The following KDM1A variants were observed in gnomAD, a reference collection of about 807,000 sequenced individuals.
KDM1A encodes the protein lysine-specific histone demethylase 1A.
In KDM1A, 49 loss-of-function variants were observed where a neutral mutation model predicts 109.4. The observed-to-expected ratio is 0.45, with a 90% CI of 0.36 to 0.57. The LOEUF (loss-of-function observed/expected upper bound fraction) is 0.57. KDM1A is among the 20% of genes least tolerant of loss of function. KDM1A has a pLI of 0.00. For synonymous variants in KDM1A, 380 were observed against 415.4 expected (o/e 0.91, Z 1.04); for missense variants, 668 against 1,116.6 (o/e 0.60, Z 5.73).
chr1:23,021,794 A>C (rs1406598573), intron 1 of KDM1A, among the ~76,000 whole-genome samples: 1 of 152,220 alleles, frequency 6.6e-6, no homozygotes, highest in Non-Finnish European at 1.5e-5. Context: ...TGATTTTAGA[A>C]CCTTTTCATC....
chr1:23,053,234 TTTAGGCTAAA>T (rs1642723784), intron 4 of KDM1A, among the ~76,000 whole-genome samples: 1 of 152,210 alleles, frequency 6.6e-6, no homozygotes, highest in South Asian at 2.1e-4. Flanking sequence ...GGTTTTCTCT[TTTAGGCTAAA>T]TAACCCCAGC....
At chr1:23,056,734 G>T (rs146535101) in intron 7 of KDM1A, among the ~76,000 whole-genome samples, 21 of 150,680 alleles carry the variant, frequency 1.4e-4, no homozygotes, top group African/African-American at 4.9e-4. Context: ...ATACAATAAG[G>T]AATAATAGGA....
chr1:23,050,557 A>G, intron 4 of KDM1A, 37 bp downstream of exon 4: 1 of 1,557,364 alleles, frequency 6.4e-7, no homozygotes, highest in Non-Finnish European at 8.7e-7. Context: ...CTGGATTATA[A>G]AAAGTATATA....
At chr1:23,020,915 A>G (rs1641605966) in intron 1 of KDM1A, among the ~76,000 whole-genome samples, 1 of 152,220 alleles carries the variant, frequency 6.6e-6, no homozygotes, top group Admixed American at 6.5e-5. Flanking sequence ...GGGCAGTATT[A>G]GGGCGCAGAC....
At chr1:23,047,346 A>C (rs598197) in intron 3 of KDM1A, among the ~76,000 whole-genome samples, 1,884 of 152,264 alleles carry the variant, frequency 0.012, 54 homozygotes, top group African/African-American at 0.043. Flanking sequence ...ACCATTTTTC[A>C]TTTTTAAAAA....
intron 9 of KDM1A, among the ~76,000 whole-genome samples, chr1:23,063,197 G>GGA (rs1553130157): frequency 8.8e-5 from 1 of 11,406 alleles, no homozygotes; most frequent in Non-Finnish European, 2.3e-4. Context: ...CTGTAGCATT[G>GGA]GGGGGGGGGT....
chr1:23,070,174 T>C (rs1332186615), intron 12 of KDM1A, among the ~76,000 whole-genome samples: 2 of 152,192 alleles, frequency 1.3e-5, no homozygotes, highest in Non-Finnish European at 2.9e-5. Context: ...TTAACAATGG[T>C]TCCTTAAGAT....
At chr1:23,082,014 G>A in intron 19 of KDM1A, 1 of 253,188 alleles carries the variant, frequency 3.9e-6, no homozygotes, top group Non-Finnish European at 6.5e-6. Context: ...AGACAGGAAG[G>A]CAACATGGAG....
chr1:23,062,812 T>C (rs1001456795), intron 9 of KDM1A, among the ~76,000 whole-genome samples: 4 of 152,168 alleles, frequency 2.6e-5, no homozygotes, highest in African/African-American at 7.2e-5. Flanking sequence ...TATAAAGATA[T>C]AATATAGGGA....
chr1:23,035,271 C>T (rs927547432), intron 2 of KDM1A, among the ~76,000 whole-genome samples: 7 of 152,084 alleles, frequency 4.6e-5, no homozygotes, highest in Non-Finnish European at 8.8e-5. Flanking sequence ...GGCATGATCT[C>T]GGCTCACCAC....
intron 20 of KDM1A, chr1:23,082,927 C>T (rs1455992673): frequency 8.5e-6 from 3 of 353,800 alleles, no homozygotes; most frequent in Non-Finnish European, 1.6e-5. Flanking sequence ...AACTGGGTAT[C>T]TAAACTGATG....
chr1:23,030,796 T>C (rs1237132253), intron 2 of KDM1A, among the ~76,000 whole-genome samples, 162 bp downstream of exon 2: 2 of 152,220 alleles, frequency 1.3e-5, no homozygotes, highest in Non-Finnish European at 2.9e-5. Context: ...TGTATACATA[T>C]ACATGTATAT....
Position 23,082,279 on chromosome 1 carries a change from C to G in KDM1A, c.2358C>G (p.Ser786=), listed in dbSNP as rs781228489. 4.3e-5 allele frequency: 69 copies of G among 1,613,752 alleles called. No individual in the cohort carries two copies. The highest frequency in any genetic ancestry group is 4.7e-5 in the Non-Finnish European group (56 of 1,179,972). Reference sequence around the variant, plus strand: ...ATCCCTGGGCTCGGGGCTCTTATTCCTATGTTGCTGCAGGATCATCTGGAA... The same window carrying G: ...ATCCCTGGGCTCGGGGCTCTTATTCGTATGTTGCTGCAGGATCATCTGGAA... ...RADPWARGSY[S]YVAAGSSGND... Residue 786 remains serine, a synonymous_variant, in exon 20 of 21, where the codon TCC becomes TCG. Transcript: ENST00000400181.
At chr1:23,044,342 A>G (rs1158500840) in intron 2 of KDM1A, 85 bp from the exon 3 acceptor site, 1 of 1,226,304 alleles carries the variant, frequency 8.2e-7, no homozygotes, top group Admixed American at 2.0e-5. Context: ...TGAATTCATG[A>G]GTCGCCAACT....
intron 2 of KDM1A, among the ~76,000 whole-genome samples, chr1:23,040,491 G>C (rs1642276537): frequency 6.6e-6 from 1 of 152,148 alleles, no homozygotes; most frequent in East Asian, 1.9e-4. Context: ...GTACAAATAA[G>C]CTGTATGAAG....
intron 8 of KDM1A, 143 bp downstream of exon 8, chr1:23,057,708 T>C: frequency 3.7e-6 from 2 of 540,326 alleles, no homozygotes; most frequent in Non-Finnish European, 6.6e-6. Context: ...ATGTGGAAAA[T>C]GTAAATTGTA....
chr1:23,056,129 A>G (rs552000418), intron 7 of KDM1A, 91 bp downstream of exon 7: 22 of 845,830 alleles, frequency 2.6e-5, no homozygotes, highest in Middle Eastern at 4.6e-4. Flanking sequence ...ATACAACTTG[A>G]ACTAAGCTAA....
chr1:23,079,598 T>C lies in KDM1A; in HGVS notation c.2101T>C (p.Leu701=). Residue 701 remains leucine, a synonymous_variant, in exon 18 of 21, where the codon TTG becomes CTG. Coordinates refer to ENST00000400181, the MANE Select transcript of KDM1A (RefSeq NM_001009999.3). This position sits in a 1 kb window ranked among gnomAD's most constrained non-coding sequence, Gnocchi z 5.6. ...DRVFWDPSVN[L]FGHVGSTTAS... is the part of the protein sequence containing the mutation. ...GGTGTTCTGGGATCCAAGTGTCAAT[T>C]TGTTCGGGCATGTTGGCAGTACGAC... The C allele has an allele frequency of 1.2e-6, 2 of 1,613,994 alleles. No homozygotes were observed. Among genetic ancestry groups the C allele is most frequent in the Non-Finnish European group, 8.5e-7 (1 of 1,179,936 alleles).
intron 2 of KDM1A, among the ~76,000 whole-genome samples, chr1:23,042,348 C>A (rs1344304384): frequency 2.0e-5 from 3 of 150,618 alleles, no homozygotes; most frequent in African/African-American, 7.3e-5. Context: ...CCTTTCTTGC[C>A]CAAATAAAAT....
Sources: allele counts gnomAD v4.1 joint callset (sites outside exome capture counted in the v4.1 genomes callset), GRCh38; gene constraint gnomAD v4.1.1; non-coding constraint Gnocchi (gnomAD v3.1); transcripts MANE v1.5; gene names NCBI Gene and HGNC (gene_info 2026-07-23, HGNC 2026-07-21).